Variants in CNTN5 observed in about 807,000 individuals in gnomAD.
CNTN5 encodes contactin-5.
Under a neutral mutation model 129.1 loss-of-function variants are expected in CNTN5, and 77 were observed. That is an observed-to-expected ratio of 0.60 (90% CI 0.50 to 0.72). CNTN5 has a LOEUF of 0.72. Among genes scored for constraint, CNTN5 ranks in the 30% least tolerant of loss-of-function variants. The pLI is 0.00. For synonymous variants in CNTN5, 509 were observed against 465.6 expected (o/e 1.09, Z -1.20); for missense variants, 1,478 against 1,328.8 (o/e 1.11, Z -1.75).
intron 15 of CNTN5, among the ~76,000 whole-genome samples, chr11:100,220,760 A>C (rs1025052791): frequency 1.3e-5 from 2 of 152,204 alleles, no homozygotes; most frequent in South Asian, 2.1e-4. Flanking sequence ...CCCAAGGTGA[A>C]TATCTAATAA....
chr11:100,049,571 G>A (rs1315822550), intron 9 of CNTN5, among the ~76,000 whole-genome samples: 4 of 151,986 alleles, frequency 2.6e-5, no homozygotes, highest in Admixed American at 6.6e-5. Context: ...AACATTGTCA[G>A]ACTAGGTTGA....
chr11:100,249,895 A>AT (rs56882975), intron 16 of CNTN5, among the ~76,000 whole-genome samples: 3,793 of 152,258 alleles, frequency 0.025, 137 homozygotes, highest in African/African-American at 0.086. Flanking sequence ...GTATAAAAAT[A>AT]TTTTTTCAGA....
At chr11:99,295,325 T>C (rs1864337751) in intron 1 of CNTN5, among the ~76,000 whole-genome samples, 1 of 152,246 alleles carries the variant, frequency 6.6e-6, no homozygotes, top group Non-Finnish European at 1.5e-5. Flanking sequence ...AAGCCACAAG[T>C]ATCAATAGCT....
intron 16 of CNTN5, among the ~76,000 whole-genome samples, chr11:100,231,027 A>G (rs1949476023): frequency 6.6e-6 from 1 of 152,224 alleles, no homozygotes; most frequent in Admixed American, 6.5e-5. Flanking sequence ...GTGGGCTTGT[A>G]TTTTAAAATC....
At chr11:99,948,184 C>A (rs532563898) in intron 7 of CNTN5, among the ~76,000 whole-genome samples, 1 of 152,080 alleles carries the variant, frequency 6.6e-6, no homozygotes, top group Admixed American at 6.6e-5. Flanking sequence ...ATTATCTGTG[C>A]GACTTTTCAT....
intron 2 of CNTN5, among the ~76,000 whole-genome samples, chr11:99,435,507 T>C (rs1212225514): frequency 6.6e-6 from 1 of 152,156 alleles, no homozygotes; most frequent in Non-Finnish European, 1.5e-5. Flanking sequence ...TAGACAGAAA[T>C]GACATACGTC....
chr11:99,334,528 C>T (rs1866138345), intron 2 of CNTN5, among the ~76,000 whole-genome samples: 1 of 152,032 alleles, frequency 6.6e-6, no homozygotes, highest in Non-Finnish European at 1.5e-5. Flanking sequence ...ACTTTACATA[C>T]ACACACAGAC....
intron 3 of CNTN5, among the ~76,000 whole-genome samples, chr11:99,756,927 T>C (rs74469573): frequency 1.4e-5 from 2 of 146,904 alleles, no homozygotes; most frequent in African/African-American, 5.0e-5. Flanking sequence ...TTTTTTTTTT[T>C]CCTGAGAAAC....
intron 6 of CNTN5, among the ~76,000 whole-genome samples, chr11:99,897,819 C>G (rs1384386101): frequency 6.6e-6 from 1 of 152,086 alleles, no homozygotes; most frequent in East Asian, 1.9e-4. Context: ...ATCTAAATGA[C>G]CTACATACCC....
At chr11:99,312,312 A>G (rs555815199) in intron 1 of CNTN5, among the ~76,000 whole-genome samples, 1 of 152,262 alleles carries the variant, frequency 6.6e-6, no homozygotes, top group South Asian at 2.1e-4. Flanking sequence ...ATGTTCCTCT[A>G]AAAAATTATC....
intron 2 of CNTN5, among the ~76,000 whole-genome samples, chr11:99,417,955 T>C (rs903336817): frequency 3.9e-5 from 6 of 152,296 alleles, no homozygotes; most frequent in Admixed American, 6.5e-5. Flanking sequence ...AAGTTACTCT[T>C]GTAAATTTAA....
intron 1 of CNTN5, among the ~76,000 whole-genome samples, chr11:99,311,739 CT>C (rs1366141157): frequency 1.3e-5 from 2 of 152,022 alleles, no homozygotes; most frequent in African/African-American, 2.4e-5. Context: ...AAAATTGTAT[CT>C]TTTATTTTAT....
intron 2 of CNTN5, among the ~76,000 whole-genome samples, chr11:99,445,697 A>G (rs1944034236): frequency 6.6e-6 from 1 of 152,178 alleles, no homozygotes. Flanking sequence ...AGCGTCCTCT[A>G]TCTTCCATTC....
At chr11:100,352,098 C>T (rs575723085) in intron 24 of CNTN5, among the ~76,000 whole-genome samples, 2 of 151,538 alleles carry the variant, frequency 1.3e-5, no homozygotes, top group Non-Finnish European at 3.0e-5. Flanking sequence ...TTTTGTTGTT[C>T]AGATTATTTC....
chr11:99,925,771 A>T (rs1377926059), intron 7 of CNTN5, among the ~76,000 whole-genome samples: 1 of 152,090 alleles, frequency 6.6e-6, no homozygotes, highest in Admixed American at 6.6e-5. Context: ...AGTTTAAGAC[A>T]GGCAGACAGG....
chr11:99,304,775 A>C (rs1381814476), intron 1 of CNTN5, among the ~76,000 whole-genome samples: 1 of 152,192 alleles, frequency 6.6e-6, no homozygotes, highest in East Asian at 1.9e-4. Flanking sequence ...ACAATCAATA[A>C]CTTCACTCCT....
intron 3 of CNTN5, among the ~76,000 whole-genome samples, chr11:99,784,843 A>G (rs1339051438): frequency 8.8e-6 from 1 of 114,274 alleles, no homozygotes. Context: ...TTTGTTGCCC[A>G]GGTTGGAGTA....
intron 1 of CNTN5, among the ~76,000 whole-genome samples, chr11:99,307,705 G>T (rs967077825): frequency 1.8e-4 from 27 of 152,102 alleles, no homozygotes; most frequent in African/African-American, 6.5e-4. Context: ...CCAAGCTGGT[G>T]CCCTTGAGTC....
At chr11:99,879,433 G>A (rs532521577) in intron 6 of CNTN5, among the ~76,000 whole-genome samples, 1 of 152,262 alleles carries the variant, frequency 6.6e-6, no homozygotes, top group African/African-American at 2.4e-5. Flanking sequence ...AGTACACATT[G>A]GTAGCTTTTG....
Sources: gnomAD v4.1 joint callset for allele counts (sites outside exome capture counted in the v4.1 genomes callset) on GRCh38, gnomAD v4.1.1 for gene constraint, MANE v1.5 for transcripts, NCBI Gene and HGNC (gene_info 2026-07-23, HGNC 2026-07-21) for gene names.